Variants in SNRNP200 observed in about 807,000 individuals in gnomAD.
The protein encoded by SNRNP200 is small nuclear ribonucleoprotein U5 subunit 200.
In SNRNP200, 66 loss-of-function variants were observed where a neutral mutation model predicts 255.2. That is an observed-to-expected ratio of 0.26 (90% CI 0.21 to 0.32). The LOEUF (loss-of-function observed/expected upper bound fraction) is 0.32. SNRNP200 is among the 10% of genes least tolerant of loss of function. The pLI is 1.00. For missense variants in SNRNP200, 1,585 were observed against 2,749.8 expected, an observed-to-expected ratio of 0.58 and a Z score of 9.47; for synonymous variants, 939 against 1,027.8, an observed-to-expected ratio of 0.91 and a Z score of 1.65.
At position 96,286,722 on chromosome 2, in the gene SNRNP200, C is replaced by T. The variant is rs746643993; in HGVS notation, c.3795G>A (p.Gln1265=). The T allele has an allele frequency of 8.7e-6, 14 of 1,614,062 alleles. No homozygotes were observed. In the South Asian group the frequency reaches 1.5e-4, roughly 18 times the overall value. The part of the protein sequence containing the change: ...FVPVFEPLPP[Q]YFIRVVSDRW... ...GGTCAGACACCACTCGGATGAAGTA[C>T]TGAGGGGGCAGCGGTTCAAAGACAG... Residue 1265 remains glutamine (Q), a synonymous_variant, in exon 28 of 45, where the codon CAG becomes CAA. Transcript: ENST00000323853. This position sits in a 1 kb window ranked among gnomAD's most constrained non-coding sequence, Gnocchi z 4.8.
At chr2:96,289,769 C>A (rs757943539) in intron 21 of SNRNP200, 30 bp downstream of exon 21, 1 of 1,610,168 alleles carries the variant, frequency 6.2e-7, no homozygotes, top group South Asian at 1.1e-5. Context: ...TTTGCTGAGA[C>A]CTTTGCCTCA....
Position 96,274,766 on chromosome 2 carries a change from T to TC in SNRNP200, c.*245dup. 1 of 554,002 alleles carries TC rather than the reference T, an allele frequency of 1.8e-6. No individual in the cohort carries two copies. Among genetic ancestry groups the TC allele is most frequent in the Non-Finnish European group, 3.2e-6 (1 of 308,616 alleles). The allele number at this position is 554,002 out of a possible 1,614,324, so 34.3% of individuals were successfully genotyped here. The stretch of plus-strand genomic sequence containing the variant: ...AAATTATTTTATTAGAATGTCAGAC[T>TC]CAAAAGAACTACCAGGAACATGCCT... On this transcript the variant is annotated 3_prime_UTR_variant, in exon 45 of 45. Transcript: ENST00000323853.
chr2:96,300,051 G>T (rs886183186), intron 5 of SNRNP200, among the ~76,000 whole-genome samples: 10 of 152,250 alleles, frequency 6.6e-5, no homozygotes, highest in Middle Eastern at 3.4e-3. Flanking sequence ...CAAGATACAG[G>T]ACTCAAACTC....
At chr2:96,302,799 C>A (rs1208316405) in intron 3 of SNRNP200, among the ~76,000 whole-genome samples, 1 of 152,186 alleles carries the variant, frequency 6.6e-6, no homozygotes, top group Non-Finnish European at 1.5e-5. Context: ...AGGCATATTA[C>A]AAAAGATGCC....
chr2:96,303,367 C>T (rs777171350), intron 2 of SNRNP200, 37 bp from the exon 3 acceptor site: 1 of 1,612,878 alleles, frequency 6.2e-7, no homozygotes, highest in South Asian at 1.1e-5. Context: ...ATGGCAGAAC[C>T]TTTCGTCCCC....
At chr2:96,302,653 A>G (rs954163827) in intron 3 of SNRNP200, among the ~76,000 whole-genome samples, 7 of 152,154 alleles carry the variant, frequency 4.6e-5, no homozygotes, top group African/African-American at 1.4e-4. Flanking sequence ...CTCCCACTTC[A>G]TGATGCCAGT....
At position 96,288,751 on chromosome 2, in the gene SNRNP200, A is replaced by G. The variant is rs567851665; in HGVS notation, c.3175-5T>C. ...GGCTTGCAGAAGAACGTTGATCTGT[A>G]AAGAAGCAAAATCAGCCAGCAGGAG... On this transcript the variant is annotated splice_polypyrimidine_tract_variant and splice_region_variant and intron_variant, in intron 23 of 44. Coordinates refer to ENST00000323853, the MANE Select transcript of SNRNP200 (RefSeq NM_014014.5). 148 of 1,613,782 alleles carry G rather than the reference A, an allele frequency of 9.2e-5. No individual in the cohort carries two copies. In the Middle Eastern group the frequency reaches 1.2e-3, roughly 13 times the overall value.
chr2:96,278,531 C>T lies in SNRNP200; in HGVS notation c.5488+16G>A. The T allele has an allele frequency of 6.2e-7, 1 of 1,613,672 alleles. No homozygotes were observed. Among genetic ancestry groups the T allele is most frequent in the Non-Finnish European group, 8.5e-7 (1 of 1,180,034 alleles). ...AAGGCTCCCACAGACAGGACACGGG[C>T]CATGCCGGGCCTCACCAATGGTGGT... On this transcript the variant is annotated intron_variant, in intron 38 of 44. Transcript: ENST00000323853. The surrounding 1 kb of genome is among the most constrained non-coding windows in gnomAD (Gnocchi z 6.9).
chr2:96,287,758 G>T lies in SNRNP200; in HGVS notation c.3365+105C>A. 9.5e-7 allele frequency: 1 copy of T among 1,054,294 alleles called. No homozygotes were observed. Among genetic ancestry groups the T allele is most frequent in the South Asian group, 1.3e-5 (1 of 79,048 alleles). The allele number at this position is 1,054,294 out of a possible 1,614,324, so 65.3% of individuals were successfully genotyped here. ...GCACCAAGGTTCAGGTCATACTTCC[G>T]ATGTCAGGTCTGGAGATCAGATGCA... On this transcript the variant is annotated intron_variant, in intron 25 of 44. Coordinates refer to ENST00000323853, the MANE Select transcript of SNRNP200 (RefSeq NM_014014.5). The surrounding 1 kb of genome is among the most constrained non-coding windows in gnomAD (Gnocchi z 5.7).
chr2:96,277,326 C>G lies in SNRNP200; in HGVS notation c.5932-85G>C. ...GGCAGCAAAGAGCTACTAATTTTACCTCCTACACTATCAAGTCATCTAGAT... is the reference window on the plus strand; with the variant it reads ...GGCAGCAAAGAGCTACTAATTTTACGTCCTACACTATCAAGTCATCTAGAT... On this transcript the variant is annotated intron_variant, in intron 41 of 44. Transcript: ENST00000323853. The surrounding 1 kb of genome is among the most constrained non-coding windows in gnomAD (Gnocchi z 4.4). 1 of 1,451,096 alleles carries G rather than the reference C, an allele frequency of 6.9e-7. No homozygotes were observed. Among genetic ancestry groups the G allele is most frequent in the South Asian group, 1.1e-5 (1 of 87,236 alleles). The allele number at this position is 1,451,096 out of a possible 1,614,324, so 89.9% of individuals were successfully genotyped here.
rs1182808864 is a variant in SNRNP200 at position 96,289,871 on chromosome 2, C to T, written c.2868G>A (p.Leu956=). The T allele has an allele frequency of 6.2e-7, 1 of 1,614,168 alleles. No homozygotes were observed. Among genetic ancestry groups the T allele is most frequent in the Admixed American group, 1.7e-5 (1 of 60,016 alleles). The change falls in exon 21 of 45, where the codon CTG becomes CTA. Residue 956 remains leucine (L), a synonymous_variant. Transcript: ENST00000323853. ...CCAGCATCAGGGCAGCTGTATGAAC[C>T]AGATCTAGTCGGCGCTGGTCCAGCA... The part of the protein sequence containing the change: ...DPLLDQRRLD[L]VHTAALMLDK...
At chr2:96,289,142 G>C (rs2063868041) in intron 22 of SNRNP200, 25 bp from the exon 23 acceptor site, 1 of 1,613,876 alleles carries the variant, frequency 6.2e-7, no homozygotes, top group African/African-American at 1.3e-5. Context: ...AAAAGGTCAA[G>C]GGAAAGCCTT....
intron 43 of SNRNP200, 34 bp downstream of exon 43, chr2:96,276,870 T>C: frequency 1.9e-6 from 3 of 1,608,986 alleles, no homozygotes; most frequent in South Asian, 1.1e-5. Flanking sequence ...ATAGGGTGAG[T>C]TGACACCTGA....
chr2:96,291,723 T>A lies in SNRNP200; in HGVS notation c.2310+28A>T. ...GATGGACACAGCTGCCAGGTAGGAATGAGAGAACCCAGCTGGCCCCTCCTC... is the reference window on the plus strand; with the variant it reads ...GATGGACACAGCTGCCAGGTAGGAAAGAGAGAACCCAGCTGGCCCCTCCTC... On this transcript the variant is annotated intron_variant, in intron 17 of 44. Coordinates refer to ENST00000323853, the MANE Select transcript of SNRNP200 (RefSeq NM_014014.5). The surrounding 1 kb of genome is among the most constrained non-coding windows in gnomAD (Gnocchi z 4.2). 1 of 1,613,442 alleles carries A rather than the reference T, an allele frequency of 6.2e-7. No individual in the cohort carries two copies.
chr2:96,279,759 G>T, intron 35 of SNRNP200, 200 bp from the exon 36 acceptor site: 1 of 568,924 alleles, frequency 1.8e-6, no homozygotes, highest in Non-Finnish European at 3.2e-6. Context: ...AGTATTCAGT[G>T]TAAGGGCCAT....
rs11937 is a variant in SNRNP200, at chr2:96,274,928, G to C, written c.*84C>G. ...GCCAGACCTGAGGCCCACAGACCTGGTCCCCACAACCAGGATTCCTACAAT... is the reference window on the plus strand; with the variant it reads ...GCCAGACCTGAGGCCCACAGACCTGCTCCCCACAACCAGGATTCCTACAAT... On this transcript the variant is annotated 3_prime_UTR_variant, in exon 45 of 45. Coordinates refer to ENST00000323853, the MANE Select transcript of SNRNP200 (RefSeq NM_014014.5). The C allele has an allele frequency of 1.3e-6, 2 of 1,540,594 alleles. No individual in the cohort carries two copies. Among genetic ancestry groups the C allele is most frequent in the African/African-American group, 1.4e-5 (1 of 73,494 alleles).
chr2:96,303,348 T>C lies in SNRNP200; in HGVS notation c.210-18A>G, dbSNP rs1312088204. On this transcript the variant is annotated intron_variant, in intron 2 of 44. Coordinates refer to ENST00000323853, the MANE Select transcript of SNRNP200 (RefSeq NM_014014.5). Reference sequence around the variant, plus strand: ...TTCTTCGCCTAATGGACATGCAATGTGATATTGAATGGCAGAACCTTTCGT... The same window carrying C: ...TTCTTCGCCTAATGGACATGCAATGCGATATTGAATGGCAGAACCTTTCGT... The C allele has an allele frequency of 2.2e-5, 36 of 1,613,864 alleles. No individual in the cohort carries two copies. In the Admixed American group the frequency reaches 5.8e-4, roughly 26 times the overall value.
rs369512134 is a variant in SNRNP200 at position 96,287,045 on chromosome 2, C to T, written c.3600G>A (p.Val1200=). 5.1e-5 allele frequency: 82 copies of T among 1,614,104 alleles called. No homozygotes were observed. The highest frequency in any genetic ancestry group is 6.7e-5 in the Non-Finnish European group (79 of 1,180,054). The change falls in exon 27 of 45, where the codon GTG becomes GTA. Residue 1200 remains valine, a synonymous_variant. Coordinates refer to ENST00000323853, the MANE Select transcript of SNRNP200 (RefSeq NM_014014.5). The surrounding 1 kb of genome is among the most constrained non-coding windows in gnomAD (Gnocchi z 5.7). ...GGAAGTCTGGCGTGATGGTCAGCTC[C>T]ACCTTCAGGGTGGAGCGTGTGATAG... ...LQPITRSTLK[V]ELTITPDFQW... is the part of the protein sequence containing the mutation.
chr2:96,296,280 C>A (rs923945767), intron 13 of SNRNP200, among the ~76,000 whole-genome samples: 1 of 152,166 alleles, frequency 6.6e-6, no homozygotes, highest in Non-Finnish European at 1.5e-5. Context: ...ATACGAACTG[C>A]AGAAAATTGC....
Sources: allele counts gnomAD v4.1 joint callset (sites outside exome capture counted in the v4.1 genomes callset), GRCh38; gene constraint gnomAD v4.1.1; non-coding constraint Gnocchi (gnomAD v3.1); transcripts MANE v1.5; gene names NCBI Gene and HGNC (gene_info 2026-07-23, HGNC 2026-07-21).